Variants in MYO5A observed in about 807,000 individuals in gnomAD.
MYO5A encodes myosin VA, also known as unconventional myosin-Va.
MYO5A carries 98 observed loss-of-function variants against 249.7 expected under a neutral mutation model. The observed-to-expected ratio is 0.39, with a 90% CI of 0.33 to 0.46. The LOEUF (loss-of-function observed/expected upper bound fraction) is 0.46. Ranked by LOEUF, MYO5A falls within the 20% of genes least tolerant of loss-of-function variation. The probability of loss-of-function intolerance (pLI) is 0.98; values close to 1 mark genes in which losing one functional copy is unlikely to be tolerated. For synonymous variants in MYO5A, 778 were observed against 810.6 expected, an observed-to-expected ratio of 0.96 and a Z score of 0.68; for missense variants, 1,696 against 2,308.8, an observed-to-expected ratio of 0.73 and a Z score of 5.44.
At chr15:52,494,882 A>G (rs1028109535) in intron 1 of MYO5A, among the ~76,000 whole-genome samples, 3 of 152,216 alleles carry the variant, frequency 2.0e-5, no homozygotes, top group Non-Finnish European at 1.5e-5. Context: ...GAGCACTTCA[A>G]TACATAAGCA....
chr15:52,449,915 T>C (rs959248472), intron 1 of MYO5A, among the ~76,000 whole-genome samples: 3 of 152,086 alleles, frequency 2.0e-5, no homozygotes, highest in Non-Finnish European at 4.4e-5. Context: ...GTTGGGAGGA[T>C]TGCTTGAGCC....
chr15:52,316,325 G>A (rs2038015012), intron 40 of MYO5A, among the ~76,000 whole-genome samples: 1 of 150,934 alleles, frequency 6.6e-6, no homozygotes, highest in Non-Finnish European at 1.5e-5. Flanking sequence ...GTTCATGCCT[G>A]TGCCTTGCTT....
chr15:52,515,210 G>C (rs369763772), intron 1 of MYO5A, among the ~76,000 whole-genome samples: 1 of 151,760 alleles, frequency 6.6e-6, no homozygotes, highest in South Asian at 2.1e-4. Context: ...TCACAAGGTC[G>C]AGACTGCAGT....
At chr15:52,523,566 G>C (rs775014780) in intron 1 of MYO5A, among the ~76,000 whole-genome samples, 1 of 152,160 alleles carries the variant, frequency 6.6e-6, no homozygotes, top group Non-Finnish European at 1.5e-5. Context: ...CACAAATACA[G>C]TAACCGTAAT....
intron 1 of MYO5A, among the ~76,000 whole-genome samples, chr15:52,440,009 T>C (rs1361778572): frequency 3.3e-5 from 5 of 152,202 alleles, no homozygotes; most frequent in African/African-American, 4.8e-5. Flanking sequence ...ACCTGCATAA[T>C]AGCTTGCAAG....
At chr15:52,504,698 A>C (rs1247287364) in intron 1 of MYO5A, among the ~76,000 whole-genome samples, 2 of 152,042 alleles carry the variant, frequency 1.3e-5, no homozygotes, top group East Asian at 3.9e-4. Flanking sequence ...TCAGGAGTTC[A>C]AGACCAGATG....
At chr15:52,471,376 G>C (rs1340595063) in intron 1 of MYO5A, among the ~76,000 whole-genome samples, 1 of 152,110 alleles carries the variant, frequency 6.6e-6, no homozygotes, top group African/African-American at 2.4e-5. Flanking sequence ...GACCAAGGTG[G>C]GAGGATCGCT....
chr15:52,327,800 TTC>T, intron 36 of MYO5A, 50 bp downstream of exon 36: 1 of 1,532,974 alleles, frequency 6.5e-7, no homozygotes, highest in South Asian at 1.1e-5. Flanking sequence ...TCAGTGCAGA[TTC>T]TGTCATCATT....
At chr15:52,334,515 T>C (rs1045398390) in intron 34 of MYO5A, among the ~76,000 whole-genome samples, 5 of 152,234 alleles carry the variant, frequency 3.3e-5, no homozygotes. Context: ...CATGTAATGC[T>C]AAAGGATTAT....
chr15:52,521,863 G>C (rs554196969), intron 1 of MYO5A, among the ~76,000 whole-genome samples: 3 of 152,368 alleles, frequency 2.0e-5, no homozygotes, highest in Admixed American at 6.5e-5. Context: ...AACCAAGACA[G>C]ATGGGGAAGA....
At chr15:52,375,489 C>T (rs2041362935) in intron 19 of MYO5A, 29 bp from the exon 20 acceptor site, 1 of 1,612,748 alleles carries the variant, frequency 6.2e-7, no homozygotes, top group Admixed American at 1.7e-5. Flanking sequence ...ATTATGTTGT[C>T]AGTAATCAGA....
At chr15:52,479,397 T>C (rs1472368653) in intron 1 of MYO5A, among the ~76,000 whole-genome samples, 1 of 152,212 alleles carries the variant, frequency 6.6e-6, no homozygotes, top group Non-Finnish European at 1.5e-5. Context: ...TTTTCGATAT[T>C]TCTAGGCTAC....
intron 38 of MYO5A, among the ~76,000 whole-genome samples, chr15:52,321,117 A>C (rs990590936): frequency 2.6e-5 from 4 of 152,266 alleles, no homozygotes; most frequent in Non-Finnish European, 5.9e-5. Context: ...GAATTTAAAC[A>C]GTAAACATTA....
chr15:52,323,678 T>G, intron 36 of MYO5A: 1 of 429,082 alleles, frequency 2.3e-6, no homozygotes, highest in South Asian at 2.1e-5. Flanking sequence ...AAAATTAAAC[T>G]GATGCGAATT....
chr15:52,460,098 G>C lies in MYO5A; in HGVS notation c.28-26813C>G, dbSNP rs556660444. Among the ~76,000 whole-genome samples, 70 of 150,970 alleles carry C rather than the reference G, an allele frequency of 4.6e-4. 1 individual carries two copies. Among genetic ancestry groups the C allele is most frequent in the Non-Finnish European group, 9.3e-4 (63 of 67,784 alleles). ...CACATCCCAGATGATGGGCGGCCAG[G>C]CAGAGACGCTCCTCACCTCCTAGAC... On this transcript the variant is annotated intron_variant, in intron 1 of 41. Transcript: ENST00000399233.
intron 1 of MYO5A, among the ~76,000 whole-genome samples, chr15:52,497,769 A>AC (rs2077071113): frequency 6.6e-6 from 1 of 150,702 alleles, no homozygotes; most frequent in African/African-American, 2.4e-5. Context: ...AAAAAAAAAA[A>AC]AAAAAAAAGA....
At chr15:52,356,823 T>TTTTTTTTTC in intron 25 of MYO5A, among the ~76,000 whole-genome samples, 1 of 127,798 alleles carries the variant, frequency 7.8e-6, no homozygotes, top group East Asian at 2.2e-4. Context: ...TTTTTTATTT[T>TTTTTTTTTC]CAGGAATTGT....
rs115447509 is a variant in MYO5A at position 52,389,650 on chromosome 15, G to A, written c.1543-287C>T. Among the ~76,000 whole-genome samples, 404 of 152,136 alleles carry A rather than the reference G, an allele frequency of 2.7e-3. 2 individuals are homozygous for A. Among genetic ancestry groups the A allele is most frequent in the African/African-American group, 9.5e-3 (393 of 41,524 alleles). On this transcript the variant is annotated intron_variant, in intron 12 of 41. Coordinates refer to ENST00000399233, the MANE Select transcript of MYO5A (RefSeq NM_001382347.1). ...AAATAAATTTGTTGTTGTTGTTGCT[G>A]TTTTTTAAAAAACAAAAGCTGGCCG...
Position 52,311,583 on chromosome 15 carries a change from C to A in MYO5A, c.*2113G>T, listed in dbSNP as rs963967844. The A allele has an allele frequency of 6.6e-6, 1 of 152,080 alleles. No homozygotes were observed. The highest frequency in any genetic ancestry group is 2.4e-5 in the African/African-American group (1 of 41,386). 9.4% of individuals were successfully genotyped at this position (152,080 alleles called of 1,614,324 possible). A position where few individuals can be genotyped will look rare whatever the true frequency, so the allele number is the denominator to read the frequency against. On this transcript the variant is annotated 3_prime_UTR_variant, in exon 42 of 42. Coordinates refer to ENST00000399233, the MANE Select transcript of MYO5A (RefSeq NM_001382347.1). Reference sequence around the variant, plus strand: ...AATTATAATACAAATATAGTAGGACCTTCTAAAAGCATGTACATAAATCAT... The same window carrying A: ...AATTATAATACAAATATAGTAGGACATTCTAAAAGCATGTACATAAATCAT...
Sources: allele counts gnomAD v4.1 joint callset (sites outside exome capture counted in the v4.1 genomes callset), GRCh38; gene constraint gnomAD v4.1.1; transcripts MANE v1.5; gene names NCBI Gene and HGNC (gene_info 2026-07-23, HGNC 2026-07-21).